ABCA12: variants seen among roughly 807,000 people sequenced by gnomAD.
The protein encoded by ABCA12 is ATP binding cassette subfamily A member 12.
In ABCA12, 156 loss-of-function variants were observed where a neutral mutation model predicts 293.5. The observed-to-expected ratio is 0.53, with a 90% CI of 0.47 to 0.61. The LOEUF (loss-of-function observed/expected upper bound fraction) is 0.61, where lower values mean the gene tolerates loss of function less well. Among genes scored for constraint, ABCA12 ranks in the 20% least tolerant of loss-of-function variants. The probability of loss-of-function intolerance (pLI) is 0.00; values close to 1 mark genes in which losing one functional copy is unlikely to be tolerated. For missense variants in ABCA12, 2,797 were observed against 3,090.2 expected, an observed-to-expected ratio of 0.91 and a Z score of 2.25; for synonymous variants, 1,063 against 1,108.0, an observed-to-expected ratio of 0.96 and a Z score of 0.81.
intron 3 of ABCA12, among the ~76,000 whole-genome samples, chr2:215,056,522 CT>C (rs1006241033): frequency 8.6e-5 from 13 of 151,868 alleles, no homozygotes; most frequent in African/African-American, 3.1e-4. Flanking sequence ...CTTAATGTGT[CT>C]TTTTTTTGGA....
intron 2 of ABCA12, among the ~76,000 whole-genome samples, chr2:215,106,301 A>ATT (rs139830416): frequency 6.7e-6 from 1 of 148,740 alleles, no homozygotes; most frequent in Non-Finnish European, 1.5e-5. Flanking sequence ...TCCTTCTCAC[A>ATT]TTTTTTTTTT....
chr2:214,947,824 G>C (rs1165132395), intron 47 of ABCA12: 2 of 442,490 alleles, frequency 4.5e-6, no homozygotes, highest in African/African-American at 4.0e-5. Context: ...TACAATTGCA[G>C]ATTGAACTTT....
chr2:214,942,627 T>A (rs1021985245), intron 50 of ABCA12, among the ~76,000 whole-genome samples: 2 of 152,216 alleles, frequency 1.3e-5, no homozygotes, highest in African/African-American at 4.8e-5. Flanking sequence ...GAGAGTAATT[T>A]GGTTATGAAC....
rs1700546467 is a variant in ABCA12 at position 215,018,100 on chromosome 2, C to T, written c.1690G>A (p.Glu564Lys). Reference protein sequence around the residue: ...QLLEMFKNVEELKEDLRRTTG... With the variant: ...QLLEMFKNVEKLKEDLRRTTG... ...GTTCTCCTTAAATCTTCTTTCAGCT[C>T]TTCAACATTTTTAAACATTTCTAGT... Residue 564 changes from glutamate to lysine, a missense_variant, in exon 14 of 53, where the codon GAG (glutamate) becomes AAG (lysine). Coordinates refer to ENST00000272895, the MANE Select transcript of ABCA12 (RefSeq NM_173076.3). 1.2e-6 allele frequency: 2 copies of T among 1,613,832 alleles called. No individual in the cohort carries two copies. The highest frequency in any genetic ancestry group is 8.5e-7 in the Non-Finnish European group (1 of 1,179,968).
chr2:215,048,103 TC>T (rs1701239264), intron 6 of ABCA12, among the ~76,000 whole-genome samples: 1 of 151,550 alleles, frequency 6.6e-6, no homozygotes, highest in African/African-American at 2.4e-5. Context: ...GAAATGCAAA[TC>T]AAAACCACAA....
intron 30 of ABCA12, among the ~76,000 whole-genome samples, chr2:214,981,633 A>G (rs1191213769): frequency 3.3e-5 from 5 of 152,206 alleles, no homozygotes; most frequent in Non-Finnish European, 7.3e-5. Context: ...ATCTTCAGAA[A>G]AGAAAGAGCC....
chr2:215,072,606 C>T (rs1025914019), intron 2 of ABCA12, among the ~76,000 whole-genome samples: 1 of 152,090 alleles, frequency 6.6e-6, no homozygotes. Context: ...GTTAAGGAGA[C>T]CCTGCTGGGT....
intron 23 of ABCA12, among the ~76,000 whole-genome samples, chr2:214,991,545 A>G (rs1388537235): frequency 6.6e-6 from 1 of 152,168 alleles, no homozygotes; most frequent in Non-Finnish European, 1.5e-5. Context: ...GAGAAACAGT[A>G]TACCTGATTC....
chr2:215,029,698 T>C lies in ABCA12; in HGVS notation c.1061+2123A>G, dbSNP rs565154728. 8.5e-5 allele frequency among the ~76,000 whole-genome samples: 13 copies of C among 152,246 alleles called. No individual in the cohort carries two copies. In the South Asian group the frequency reaches 2.3e-3, roughly 27 times the overall value. ...AGACTTAGTATACTCCAAAATAAGA[T>C]CTTATATCTGTGTGCCACAGTTTTG... On this transcript the variant is annotated intron_variant, in intron 9 of 52. Transcript: ENST00000272895.
At chr2:215,085,802 A>G (rs1020411676) in intron 2 of ABCA12, among the ~76,000 whole-genome samples, 2 of 152,232 alleles carry the variant, frequency 1.3e-5, no homozygotes, top group African/African-American at 4.8e-5. Context: ...GAAGAAGGGC[A>G]GAAATGTTCA....
Position 214,932,282 on chromosome 2 carries a change from A to ATAT in ABCA12, c.*349_*351dup, listed in dbSNP as rs1345817677. ...CATCTGACTTTTCTTCTCCACTCTT[A>ATAT]TATTTCAACTACCAAAATCCATGCC... On this transcript the variant is annotated 3_prime_UTR_variant, in exon 53 of 53. Transcript: ENST00000272895. 1 of 264,524 alleles carries ATAT rather than the reference A, an allele frequency of 3.8e-6. No homozygotes were observed. Among genetic ancestry groups the ATAT allele is most frequent in the African/African-American group, 2.3e-5 (1 of 43,840 alleles). The allele number at this position is 264,524 out of a possible 1,614,324, so 16.4% of individuals were successfully genotyped here. A position where few individuals can be genotyped will look rare whatever the true frequency, so the allele number is the denominator to read the frequency against.
chr2:215,113,358 T>C (rs1249098085), intron 1 of ABCA12, among the ~76,000 whole-genome samples: 7 of 152,234 alleles, frequency 4.6e-5, no homozygotes, highest in Non-Finnish European at 7.3e-5. Context: ...GGTTTGAACA[T>C]AGCTTGAAAA....
intron 50 of ABCA12, among the ~76,000 whole-genome samples, chr2:214,939,025 CTT>C (rs1357173650): frequency 6.6e-6 from 1 of 152,188 alleles, no homozygotes; most frequent in Non-Finnish European, 1.5e-5. Context: ...GTCATGAAGT[CTT>C]TGCCCACGCC....
intron 1 of ABCA12, among the ~76,000 whole-genome samples, chr2:215,134,424 ATGTATATG>A (rs1207601002): frequency 6.9e-6 from 1 of 144,920 alleles, no homozygotes; most frequent in Non-Finnish European, 1.5e-5. Flanking sequence ...ATGTACATAT[ATGTATATG>A]TGTATATATA....
rs754652423 is a variant in ABCA12, at chr2:214,987,728, C to T, written c.3895G>A (p.Gly1299Arg). 22 of 1,614,060 alleles carry T rather than the reference C, an allele frequency of 1.4e-5. No homozygotes were observed. The Middle Eastern group carries it at 1.2e-3, about 85-fold the overall frequency. Residue 1299 changes from glycine to arginine, a missense_variant, in exon 27 of 53, where the codon GGG becomes AGG. Coordinates refer to ENST00000272895, the MANE Select transcript of ABCA12 (RefSeq NM_173076.3). ...TTCTCAGGCTTCACCTCTGCACACC[C>T]AAATCGCTCCTTCCAATAGGAAGGA... ...ILPSYWKERF[G>R]CAEVKPEKSN... is the part of the protein sequence containing the mutation.
intron 6 of ABCA12, among the ~76,000 whole-genome samples, chr2:215,048,989 C>T (rs993782628): frequency 2.6e-5 from 4 of 152,244 alleles, no homozygotes; most frequent in Admixed American, 2.6e-4. Context: ...ACAACCGACA[C>T]TGGGACTTAC....
intron 2 of ABCA12, among the ~76,000 whole-genome samples, chr2:215,097,251 T>G (rs946154777): frequency 6.6e-6 from 1 of 151,322 alleles, no homozygotes; most frequent in Non-Finnish European, 1.5e-5. Context: ...ATCCTATTAG[T>G]TTTTTTTTGA....
At chr2:215,029,772 C>T (rs1206842725) in intron 9 of ABCA12, among the ~76,000 whole-genome samples, 1 of 152,126 alleles carries the variant, frequency 6.6e-6, no homozygotes, top group East Asian at 1.9e-4. Context: ...ATCCTTTATA[C>T]AAAATCCTAC....
intron 2 of ABCA12, among the ~76,000 whole-genome samples, chr2:215,087,385 T>C (rs552953548): frequency 6.6e-6 from 1 of 152,288 alleles, no homozygotes; most frequent in African/African-American, 2.4e-5. Flanking sequence ...TTAGCTTCGA[T>C]TAACACACAA....
Sources: gnomAD v4.1 joint callset for allele counts (sites outside exome capture counted in the v4.1 genomes callset) on GRCh38, gnomAD v4.1.1 for gene constraint, MANE v1.5 for transcripts, NCBI Gene and HGNC (gene_info 2026-07-23, HGNC 2026-07-21) for gene names.